Variants in ZFX observed in about 807,000 individuals in gnomAD.
ZFX encodes zinc finger X-chromosomal protein.
For synonymous variants in ZFX, 196 were observed against 226.8 expected (o/e 0.86, Z 1.22); for missense variants, 362 against 628.3 (o/e 0.58, Z 4.53).
intron 3 of ZFX, among the ~76,000 whole-genome samples, chrX:24,169,304 G>T (rs946958400): frequency 3.6e-5 from 4 of 111,764 alleles, no homozygotes; most frequent in African/African-American, 1.3e-4. Context: ...AAGCAAATCA[G>T]TCTGTTAATG....
At chrX:24,155,386 A>C (rs1029493541) in intron 3 of ZFX, among the ~76,000 whole-genome samples, 1 of 111,653 alleles carries the variant, frequency 9.0e-6, no homozygotes, top group African/African-American at 3.3e-5. Context: ...TACTGATTCC[A>C]TTCATTTTAT....
intron 3 of ZFX, among the ~76,000 whole-genome samples, chrX:24,157,310 A>T (rs760905915): frequency 1.8e-5 from 2 of 112,220 alleles, no homozygotes; most frequent in African/African-American, 6.5e-5. Flanking sequence ...GTTGACTTAT[A>T]TGTATTGATC....
At position 24,192,595 on chromosome X, in the gene ZFX, G is replaced by T. The variant is rs181137016; in HGVS notation, c.646+12825G>T. The stretch of plus-strand genomic sequence containing the variant: ...TCTTTTCAATCTTTATTGAAATGTG[G>T]CAATCAGTGTTGCAGTGTTAAGATT... On this transcript the variant is annotated intron_variant, in intron 5 of 9. Coordinates refer to ENST00000304543, the MANE Select transcript of ZFX (RefSeq NM_003410.4). Among the ~76,000 whole-genome samples, 15 of 111,330 alleles carry T rather than the reference G, an allele frequency of 1.3e-4. No homozygotes were observed. The East Asian group carries it at 3.9e-3, about 29-fold the overall frequency.
intron 3 of ZFX, among the ~76,000 whole-genome samples, chrX:24,155,331 T>C (rs1932705794): frequency 8.9e-6 from 1 of 112,030 alleles, no homozygotes; most frequent in Admixed American, 9.5e-5. Context: ...TGATCCTTAA[T>C]TTTTAAGAGT....
intron 5 of ZFX, among the ~76,000 whole-genome samples, chrX:24,185,142 G>T (rs1024131352): frequency 2.7e-5 from 3 of 111,246 alleles, no homozygotes; most frequent in Non-Finnish European, 5.7e-5. Flanking sequence ...TGTAGAGAGG[G>T]GGTTTTGCCA....
In ZFX at chrX:24,151,736, A is replaced by G. The variant is rs1039320829; in HGVS notation, c.-204A>G. 15 of 111,522 alleles carry G rather than the reference A, an allele frequency of 1.3e-4. No homozygotes were observed. Among genetic ancestry groups the G allele is most frequent in the African/African-American group, 3.6e-4 (11 of 30,551 alleles). 9.2% of individuals were successfully genotyped at this position (111,522 alleles called of 1,213,427 possible). ...GGCTGGTCTCGAACTCCTGGGCTCA[A>G]GCCGTTCTCCCGCCTCCCACTGCCC... On this transcript the variant is annotated 5_prime_UTR_variant, in exon 2 of 10. Coordinates refer to ENST00000304543, the MANE Select transcript of ZFX (RefSeq NM_003410.4).
intron 5 of ZFX, among the ~76,000 whole-genome samples, chrX:24,188,120 T>C (rs1283045187): frequency 2.8e-5 from 3 of 108,480 alleles, no homozygotes; most frequent in African/African-American, 1.0e-4. Context: ...TGCAGTGAAC[T>C]GAGATCATGC....
upstream of ZFX, chrX:24,149,118 G>C (rs1430260572): frequency 1.8e-5 from 2 of 109,042 alleles, no homozygotes; most frequent in African/African-American, 6.7e-5. Flanking sequence ...AGCGAAGGCA[G>C]GGGACGGCGG....
chrX:24,180,383 C>CTTT (rs34794604), intron 5 of ZFX, among the ~76,000 whole-genome samples: 1 of 98,863 alleles, frequency 1.0e-5, no homozygotes. Flanking sequence ...AAGCTACTTA[C>CTTT]TTTTTTTTTT....
chrX:24,197,447 A>G (rs2080225468), intron 5 of ZFX, among the ~76,000 whole-genome samples: 1 of 112,346 alleles, frequency 8.9e-6, no homozygotes, highest in South Asian at 3.7e-4. Context: ...GAAAAAATGT[A>G]TCTTAGCATA....
chrX:24,179,307 A>T lies in ZFX; in HGVS notation c.183A>T (p.Ser61=), dbSNP rs201962627. The T allele has an allele frequency of 8.3e-7, 1 of 1,212,023 alleles. No homozygotes were observed. The highest frequency in any genetic ancestry group is 1.1e-6 in the Non-Finnish European group (1 of 895,577). The part of the protein sequence containing the change: ...VHNFVPDDPD[S]VVIQDVIEDV... ...ACTTTGTTCCTGATGACCCAGATTC[A>T]GTTGTAATCCAAGATGTTATTGAGG... Residue 61 remains serine, a synonymous_variant, in exon 5 of 10, where the codon TCA becomes TCT. Coordinates refer to ENST00000304543, the MANE Select transcript of ZFX (RefSeq NM_003410.4).
intron 8 of ZFX, 107 bp downstream of exon 8, chrX:24,208,477 A>G: frequency 2.1e-6 from 2 of 967,365 alleles, no homozygotes; most frequent in South Asian, 4.5e-5. Flanking sequence ...CTGAAATACC[A>G]GTATCCTGTA....
At chrX:24,174,835 T>C in intron 4 of ZFX, among the ~76,000 whole-genome samples, 1 of 111,458 alleles carries the variant, frequency 9.0e-6, no homozygotes, top group East Asian at 2.8e-4. Context: ...TACCTCAGCC[T>C]TCTGAGTACC....
intron 3 of ZFX, among the ~76,000 whole-genome samples, chrX:24,159,000 G>GT (rs1156594694): frequency 4.7e-5 from 5 of 106,526 alleles, no homozygotes; most frequent in Admixed American, 1.0e-4. Context: ...TTTATTTTTA[G>GT]TTTTTTTTAT....
At chrX:24,167,810 CAG>C (rs1462213119) in intron 3 of ZFX, among the ~76,000 whole-genome samples, 2 of 111,517 alleles carry the variant, frequency 1.8e-5, no homozygotes, top group Non-Finnish European at 3.8e-5. Context: ...TAAGAATGAA[CAG>C]AGAAAATGGA....
chrX:24,152,469 G>A (rs957740905), intron 2 of ZFX, among the ~76,000 whole-genome samples: 5 of 111,498 alleles, frequency 4.5e-5, no homozygotes, highest in African/African-American at 1.6e-4. Context: ...CCTTTAGGTG[G>A]CATAGATACC....
chrX:24,188,509 C>T (rs186855279), intron 5 of ZFX, among the ~76,000 whole-genome samples: 1 of 111,186 alleles, frequency 9.0e-6, no homozygotes, highest in African/African-American at 3.3e-5. Flanking sequence ...AGATGTGAGA[C>T]ATCATTGAGT....
intron 3 of ZFX, among the ~76,000 whole-genome samples, chrX:24,158,338 CTCAAACAA>C (rs1243087896): frequency 9.1e-6 from 1 of 110,086 alleles, no homozygotes; most frequent in Non-Finnish European, 1.9e-5. Flanking sequence ...TGGACTTTGT[CTCAAACAA>C]ACAAACAAAC....
chrX:24,174,396 A>ATTTT (rs199790697), intron 4 of ZFX, among the ~76,000 whole-genome samples: 3 of 94,554 alleles, frequency 3.2e-5, no homozygotes, highest in Non-Finnish European at 2.1e-5. Context: ...TTAAATTAAA[A>ATTTT]TTTTTTTTTT....
Sources: gnomAD v4.1 joint callset for allele counts (sites outside exome capture counted in the v4.1 genomes callset) on GRCh38, gnomAD v4.1.1 for gene constraint, MANE v1.5 for transcripts, NCBI Gene and HGNC (gene_info 2026-07-23, HGNC 2026-07-21) for gene names.